The following CLASP2 variants were observed in gnomAD, a reference collection of about 807,000 sequenced individuals.
CLASP2 encodes CLIP-associating protein 2.
In CLASP2, 47 loss-of-function variants were observed where a neutral mutation model predicts 194.4. The ratio of observed to expected loss-of-function variants is 0.24; its 90% CI spans 0.19 to 0.31. The LOEUF is 0.31. CLASP2 is among the 10% of genes least tolerant of loss of function. The pLI is 1.00. For missense variants in CLASP2, 1,445 were observed against 1,823.6 expected (o/e 0.79, Z 3.78); for synonymous variants, 619 against 633.5 (o/e 0.98, Z 0.34).
chr3:33,509,226 T>C (rs957475132), intron 37 of CLASP2, among the ~76,000 whole-genome samples: 2 of 152,256 alleles, frequency 1.3e-5, no homozygotes, highest in Admixed American at 6.5e-5. Flanking sequence ...CTATCTGATA[T>C]GTGTATTGAT....
chr3:33,713,960 G>C lies in CLASP2; in HGVS notation c.195+3848C>G, dbSNP rs182608050. Among the ~76,000 whole-genome samples, 7 of 152,278 alleles carry C rather than the reference G, an allele frequency of 4.6e-5. No homozygotes were observed. The East Asian group carries it at 1.3e-3, about 29-fold the overall frequency. ...TATTGAAGAGGTTTATAAAAGTAGA[G>C]AAAAGGAATATGGATATTCTAATCT... On this transcript the variant is annotated intron_variant, in intron 1 of 38. Coordinates refer to ENST00000682230, the MANE Select transcript of CLASP2 (RefSeq NM_001365631.1).
chr3:33,659,312 T>C, intron 7 of CLASP2: 1 of 1,151,440 alleles, frequency 8.7e-7, no homozygotes, highest in Non-Finnish European at 1.1e-6. Flanking sequence ...AAATTTAATC[T>C]AAGAAAAGCT....
chr3:33,670,305 T>C (rs1320187790), intron 6 of CLASP2, among the ~76,000 whole-genome samples: 1 of 152,206 alleles, frequency 6.6e-6, no homozygotes, highest in Admixed American at 6.5e-5. Flanking sequence ...GCTTCTGGGA[T>C]GTTGTAATGT....
chr3:33,625,401 C>T (rs2077834209), intron 10 of CLASP2, among the ~76,000 whole-genome samples: 1 of 151,660 alleles, frequency 6.6e-6, no homozygotes. Flanking sequence ...ATATATATTA[C>T]ACTAAGGAAT....
intron 15 of CLASP2, among the ~76,000 whole-genome samples, 160 bp downstream of exon 15, chr3:33,607,224 T>A (rs2074065966): frequency 6.6e-6 from 1 of 152,236 alleles, no homozygotes; most frequent in South Asian, 2.1e-4. Flanking sequence ...TAGGAGGCTG[T>A]TAGATGTCTA....
At chr3:33,684,666 G>T (rs973897207) in intron 5 of CLASP2, among the ~76,000 whole-genome samples, 1 of 152,114 alleles carries the variant, frequency 6.6e-6, no homozygotes, top group Non-Finnish European at 1.5e-5. Context: ...ACAGAAATTT[G>T]AGAAACTTGT....
At chr3:33,624,830 G>A (rs951075239) in intron 10 of CLASP2, among the ~76,000 whole-genome samples, 1 of 151,882 alleles carries the variant, frequency 6.6e-6, no homozygotes, top group South Asian at 2.1e-4. Flanking sequence ...ATTAAATTGG[G>A]TAAAATAAAT....
intron 25 of CLASP2, among the ~76,000 whole-genome samples, chr3:33,572,700 G>A (rs945533549): frequency 6.6e-6 from 1 of 152,002 alleles, no homozygotes; most frequent in Non-Finnish European, 1.5e-5. Flanking sequence ...CATATTACAT[G>A]CACACTAAGA....
chr3:33,570,752 C>A lies in CLASP2; in HGVS notation c.2738G>T (p.Arg913Ile). Residue 913 changes from arginine to isoleucine, a missense_variant, in exon 26 of 39, where the codon AGA becomes ATA. Around this residue, in one of 4 missense-constraint regions of CLASP2, gnomAD observed 732 missense variants for 987.9 expected, o/e 0.74. Transcript: ENST00000682230. ...ELKRLCEIFTRMFADPHGKRV... is the reference protein window; with the variant it reads ...ELKRLCEIFTIMFADPHGKRV... ...CTTGCCATGAGGGTCAGCAAACATT[C>A]TTGTGAAAATTTCACATAATCTTTT... 6.3e-7 allele frequency: 1 copy of A among 1,592,078 alleles called. No homozygotes were observed. Among genetic ancestry groups the A allele is most frequent in the Non-Finnish European group, 8.6e-7 (1 of 1,168,740 alleles).
intron 24 of CLASP2, among the ~76,000 whole-genome samples, chr3:33,574,937 T>C (rs181429733): frequency 6.6e-6 from 1 of 152,248 alleles, no homozygotes; most frequent in Admixed American, 6.5e-5. Context: ...GCCTTGGTAG[T>C]TAAACATTCC....
intron 32 of CLASP2, among the ~76,000 whole-genome samples, chr3:33,539,576 C>A (rs1345220307): frequency 2.0e-5 from 3 of 152,128 alleles, no homozygotes; most frequent in African/African-American, 7.2e-5. Flanking sequence ...CTCAGGTGAT[C>A]CGCCCACCTC....
chr3:33,581,690 C>G lies in CLASP2; in HGVS notation c.2347+131G>C, dbSNP rs1022119763. ...TCCCAAACATGTAATTTCCTTTCCT[C>G]AAAATGACAGAAAAGGGGTAGAGAG... is the stretch of plus-strand genomic sequence containing the variant. On this transcript the variant is annotated intron_variant, in intron 23 of 38. Transcript: ENST00000682230. The G allele has an allele frequency of 1.9e-5, 12 of 619,894 alleles. No homozygotes were observed. The African/African-American group carries it at 2.0e-4, about 11-fold the overall frequency. 38.4% of individuals were successfully genotyped at this position (619,894 alleles called of 1,614,324 possible). A position where few individuals can be genotyped will look rare whatever the true frequency, so the allele number is the denominator to read the frequency against.
chr3:33,564,773 A>G (rs553578937), intron 27 of CLASP2, among the ~76,000 whole-genome samples: 10 of 152,166 alleles, frequency 6.6e-5, no homozygotes, highest in African/African-American at 2.4e-4. Flanking sequence ...TTAGTTTTGT[A>G]GAGATGGGGT....
chr3:33,667,620 G>A (rs2086435190), intron 6 of CLASP2, among the ~76,000 whole-genome samples: 1 of 151,756 alleles, frequency 6.6e-6, no homozygotes, highest in African/African-American at 2.4e-5. Flanking sequence ...TATTATTTTG[G>A]CTCTTACATT....
intron 16 of CLASP2, among the ~76,000 whole-genome samples, chr3:33,604,623 T>G (rs913751049): frequency 2.0e-5 from 3 of 152,196 alleles, no homozygotes; most frequent in Non-Finnish European, 4.4e-5. Context: ...GCCTAGCTGG[T>G]ACTTCCAATT....
Position 33,608,558 on chromosome 3 carries a change from A to C in CLASP2, c.1448+9T>G, listed in dbSNP as rs2074396825. 6.2e-7 allele frequency: 1 copy of C among 1,605,346 alleles called. No homozygotes were observed. Among genetic ancestry groups the C allele is most frequent in the Non-Finnish European group, 8.5e-7 (1 of 1,173,688 alleles). On this transcript the variant is annotated intron_variant, in intron 14 of 38. Transcript: ENST00000682230. ...AGGAAAGTGGGAGGAAGGAAGAGGG[A>C]ATGCATACCTTTCCAATGAATGAGT...
intron 16 of CLASP2, among the ~76,000 whole-genome samples, chr3:33,605,917 G>A (rs933297090): frequency 3.3e-5 from 5 of 152,068 alleles, no homozygotes; most frequent in African/African-American, 9.7e-5. Context: ...GGCCTAAGCT[G>A]ACATTCTCTG....
chr3:33,588,694 T>C (rs768335642), intron 21 of CLASP2: 26 of 702,206 alleles, frequency 3.7e-5, no homozygotes, highest in South Asian at 7.4e-5. Context: ...ATAAAGTCTA[T>C]AGATTCTTAC....
At chr3:33,588,334 C>G (rs1265198862) in intron 21 of CLASP2, among the ~76,000 whole-genome samples, 1 of 152,090 alleles carries the variant, frequency 6.6e-6, no homozygotes, top group African/African-American at 2.4e-5. Context: ...ATGATGTATC[C>G]AAGGAATAGC....
Sources: allele counts gnomAD v4.1 joint callset (sites outside exome capture counted in the v4.1 genomes callset), GRCh38; gene constraint gnomAD v4.1.1; regional missense constraint gnomAD v4.1.1; transcripts MANE v1.5; gene names NCBI Gene and HGNC (gene_info 2026-07-23, HGNC 2026-07-21).